The following ZMYM5 variants were observed in gnomAD, a reference collection of about 807,000 sequenced individuals.
ZMYM5 encodes zinc finger MYM-type containing 5, also known as zinc finger MYM-type protein 5.
In ZMYM5, 41 loss-of-function variants were observed where a neutral mutation model predicts 61.8. The observed-to-expected ratio is 0.66, with a 90% CI of 0.52 to 0.86. The LOEUF (loss-of-function observed/expected upper bound fraction) is 0.86, where lower values mean the gene tolerates loss of function less well. ZMYM5 is among the 40% of genes least tolerant of loss of function. ZMYM5 has a pLI of 0.00. For synonymous variants in ZMYM5, 257 were observed against 276.4 expected (o/e 0.93, Z 0.70); for missense variants, 706 against 786.7 (o/e 0.90, Z 1.23).
At chr13:19,862,029 A>T (rs528070349) in intron 2 of ZMYM5, among the ~76,000 whole-genome samples, 3 of 152,322 alleles carry the variant, frequency 2.0e-5, no homozygotes, top group African/African-American at 7.2e-5. Flanking sequence ...AGTCTTCCTC[A>T]AATACAAGGC....
chr13:19,838,564 C>T, intron 5 of ZMYM5, 136 bp downstream of exon 5: 1 of 1,100,668 alleles, frequency 9.1e-7, no homozygotes, highest in Non-Finnish European at 1.3e-6. Context: ...ATTCTAGGAG[C>T]TCAAGCTCAA....
chr13:19,839,590 G>A lies in ZMYM5; in HGVS notation c.587-605C>T, dbSNP rs576659543. On this transcript the variant is annotated intron_variant, in intron 4 of 7. Coordinates refer to ENST00000337963, the MANE Select transcript of ZMYM5 (RefSeq NM_001142684.2). ...GGTGTTTCACTATGTTGGCCAGGCT[G>A]GTCACGGACTCCTGGCCTCAAGTAA... Among the ~76,000 whole-genome samples, 3 of 151,898 alleles carry A rather than the reference G, an allele frequency of 2.0e-5. No individual in the cohort carries two copies. The East Asian group carries it at 5.8e-4, about 29-fold the overall frequency.
chr13:19,838,795 T>C lies in ZMYM5; in HGVS notation c.777A>G (p.Gln259=). ...KPLQKGQTAY[Q]RKGSAHLFCS... The stretch of plus-strand genomic sequence containing the variant: ...AAAAGAGGTGAGCTGATCCTTTTCG[T>C]TGATAAGCTGTCTGTCCCTTCTGTA... The change falls in exon 5 of 8, where the codon CAA becomes CAG. Residue 259 remains glutamine (Q), a synonymous_variant. Coordinates refer to ENST00000337963, the MANE Select transcript of ZMYM5 (RefSeq NM_001142684.2). The C allele has an allele frequency of 1.2e-6, 2 of 1,614,176 alleles. No homozygotes were observed. Among genetic ancestry groups the C allele is most frequent in the Non-Finnish European group, 1.7e-6 (2 of 1,180,038 alleles).
rs149354916 is a variant in ZMYM5 at position 19,825,636 on chromosome 13, G to C, written c.1252-401C>G. Among the ~76,000 whole-genome samples, 170 of 149,952 alleles carry C rather than the reference G, an allele frequency of 1.1e-3. 1 individual carries two copies. The highest frequency in any genetic ancestry group is 6.9e-3 in the Middle Eastern group (2 of 290). On this transcript the variant is annotated intron_variant, in intron 7 of 7. Transcript: ENST00000337963. Reference sequence around the variant, plus strand: ...CACTCCAGTCTGGGCGAAAGAGTGAGACCCTGTCCCAAAAGAAGAAGAAGA... The same window carrying C: ...CACTCCAGTCTGGGCGAAAGAGTGACACCCTGTCCCAAAAGAAGAAGAAGA...
intron 2 of ZMYM5, among the ~76,000 whole-genome samples, chr13:19,853,662 C>T (rs573068049): frequency 1.8e-4 from 27 of 150,122 alleles, no homozygotes; most frequent in Non-Finnish European, 3.4e-4. Context: ...GGTACAGTGG[C>T]GCCATTTCAG....
At chr13:19,838,014 A>G (rs532936720) in intron 5 of ZMYM5, among the ~76,000 whole-genome samples, 193 bp from the exon 6 acceptor site, 46 of 152,326 alleles carry the variant, frequency 3.0e-4, no homozygotes, top group Non-Finnish European at 6.0e-4. Context: ...GAGAAGAGTC[A>G]GAGATAAAAA....
chr13:19,855,435 T>C (rs1953466371), intron 2 of ZMYM5, among the ~76,000 whole-genome samples: 2 of 151,916 alleles, frequency 1.3e-5, no homozygotes, highest in Admixed American at 6.6e-5. Context: ...GCTAATTTTT[T>C]GTATTTTTAG....
chr13:19,825,003 G>C lies in ZMYM5; in HGVS notation c.1484C>G (p.Thr495Ser). 3 of 1,367,520 alleles carry C rather than the reference G, an allele frequency of 2.2e-6. No homozygotes were observed. The highest frequency in any genetic ancestry group is 2.9e-6 in the Non-Finnish European group (3 of 1,021,810). 84.7% of individuals were successfully genotyped at this position (1,367,520 alleles called of 1,614,324 possible). Residue 495 changes from threonine to serine, a missense_variant, in exon 8 of 8, where the codon ACC becomes AGC. By Grantham distance (58) the Thr-to-Ser change is moderately conservative. Transcript: ENST00000337963. Reference sequence around the variant, plus strand: ...TTGCTCTTGAAATGTATCAGCTATGGTTGACGTGGAAGAAGGAGGTAAATT... The same window carrying C: ...TTGCTCTTGAAATGTATCAGCTATGCTTGACGTGGAAGAAGGAGGTAAATT... ...NVNLPPSSTS[T>S]IADTFQEQLE...
At chr13:19,855,529 T>C (rs956960194) in intron 2 of ZMYM5, among the ~76,000 whole-genome samples, 12 of 151,672 alleles carry the variant, frequency 7.9e-5, no homozygotes, top group Admixed American at 1.3e-4. Context: ...CTCAAAGTGC[T>C]GGGATTACAG....
chr13:19,851,517 C>G, intron 3 of ZMYM5, 69 bp from the exon 4 acceptor site: 1 of 1,572,122 alleles, frequency 6.4e-7, no homozygotes, highest in South Asian at 1.1e-5. Context: ...AGTCCTTTAG[C>G]GACATCTCCC....
At chr13:19,839,785 C>A (rs561225809) in intron 4 of ZMYM5, among the ~76,000 whole-genome samples, 1 of 152,112 alleles carries the variant, frequency 6.6e-6, no homozygotes, top group Non-Finnish European at 1.5e-5. Flanking sequence ...ATACTTTAGA[C>A]GCAGTAGTTT....
At chr13:19,860,085 C>T (rs1953674219) in intron 2 of ZMYM5, among the ~76,000 whole-genome samples, 1 of 99,596 alleles carries the variant, frequency 1.0e-5, no homozygotes, top group African/African-American at 4.1e-5. Context: ...GCCTGGGTGA[C>T]AGGGCAAGAC....
intron 7 of ZMYM5, among the ~76,000 whole-genome samples, chr13:19,825,867 C>G (rs7332212): frequency 0.012 from 1,768 of 151,734 alleles, 35 homozygotes; most frequent in African/African-American, 0.039. Context: ...ATGGCGAAAC[C>G]CCGTCTCTGC....
chr13:19,826,046 TA>T (rs56181038), intron 7 of ZMYM5, among the ~76,000 whole-genome samples: 113,021 of 118,896 alleles, frequency 0.95, 53,774 homozygotes, highest in East Asian at 0.99. Context: ...ACTCCATGCT[TA>T]AAAAAAAAAA....
intron 5 of ZMYM5, 70 bp downstream of exon 5, chr13:19,838,630 G>T: frequency 6.5e-7 from 1 of 1,546,704 alleles, no homozygotes; most frequent in Non-Finnish European, 8.8e-7. Context: ...CAGCTCTGCA[G>T]TTATATTGAG....
intron 4 of ZMYM5, among the ~76,000 whole-genome samples, chr13:19,842,767 C>T (rs976940017): frequency 6.6e-6 from 1 of 151,524 alleles, no homozygotes. Flanking sequence ...CGAGGCCAGC[C>T]TGGCCAACAT....
intron 1 of ZMYM5, 106 bp downstream of exon 1, chr13:19,863,344 G>C (rs897318549): frequency 2.0e-5 from 3 of 152,024 alleles, no homozygotes; most frequent in Non-Finnish European, 4.4e-5. Context: ...CTGCCCTCGA[G>C]GCCCCGAAGC....
intron 4 of ZMYM5, among the ~76,000 whole-genome samples, chr13:19,847,085 C>CT (rs1953099888): frequency 6.6e-6 from 1 of 152,066 alleles, no homozygotes. Flanking sequence ...GTAGCTAGGA[C>CT]TACAGGCATG....
intron 4 of ZMYM5, among the ~76,000 whole-genome samples, chr13:19,850,026 T>G (rs1359088339): frequency 6.6e-6 from 1 of 151,028 alleles, no homozygotes; most frequent in East Asian, 1.9e-4. Flanking sequence ...AACAACATGA[T>G]TAGGTTCTCA....
Sources: allele counts gnomAD v4.1 joint callset (sites outside exome capture counted in the v4.1 genomes callset), GRCh38; gene constraint gnomAD v4.1.1; transcripts MANE v1.5; gene names NCBI Gene and HGNC (gene_info 2026-07-23, HGNC 2026-07-21).